The following EXPH5 variants were observed in gnomAD, a reference collection of about 807,000 sequenced individuals.
EXPH5 encodes the protein exophilin 5.
Under a neutral mutation model 41.1 loss-of-function variants are expected in EXPH5, and 42 were observed. The observed-to-expected ratio is 1.02, with a 90% CI of 0.80 to 1.32. The LOEUF is 1.32. Ranked by LOEUF, EXPH5 falls within the 40% of genes most tolerant of loss-of-function variation. The pLI is 0.00. For missense variants in EXPH5, 2,298 were observed against 2,314.5 expected, an observed-to-expected ratio of 0.99 and a Z score of 0.15; for synonymous variants, 798 against 833.5, an observed-to-expected ratio of 0.96 and a Z score of 0.73.
At chr11:108,543,240 T>C (rs1000181890) in intron 1 of EXPH5, among the ~76,000 whole-genome samples, 13 of 152,202 alleles carry the variant, frequency 8.5e-5, no homozygotes, top group African/African-American at 3.1e-4. Flanking sequence ...CCCAATTCTC[T>C]TTCAAATGAA....
Position 108,593,689 on chromosome 11 carries a change from A to G in EXPH5, c.-153T>C. On this transcript the variant is annotated 5_prime_UTR_variant, in exon 1 of 6. Transcript: ENST00000265843. ...AAGTCTAAAACCACAAACCTAGGGA[A>G]CGCCCACACCTGAAGGGCTCATATT... The G allele has an allele frequency of 6.4e-7, 1 of 1,551,162 alleles. No individual in the cohort carries two copies. Among genetic ancestry groups the G allele is most frequent in the Non-Finnish European group, 8.7e-7 (1 of 1,150,352 alleles).
intron 1 of EXPH5, among the ~76,000 whole-genome samples, chr11:108,557,481 G>A (rs1330760567): frequency 1.3e-5 from 2 of 152,180 alleles, no homozygotes; most frequent in Non-Finnish European, 2.9e-5. Flanking sequence ...GCATAGCTGG[G>A]ATTCCAGGCG....
At chr11:108,549,378 T>C (rs1190025913) in intron 1 of EXPH5, among the ~76,000 whole-genome samples, 1 of 152,226 alleles carries the variant, frequency 6.6e-6, no homozygotes, top group Admixed American at 6.5e-5. Flanking sequence ...ACTCCTCTTA[T>C]GTTCCGATTC....
At chr11:108,522,854 T>C (rs1014689901) in intron 4 of EXPH5, among the ~76,000 whole-genome samples, 1 of 152,082 alleles carries the variant, frequency 6.6e-6, no homozygotes, top group Non-Finnish European at 1.5e-5. Context: ...AACACCTTTT[T>C]TGCAGCACAA....
intron 1 of EXPH5, among the ~76,000 whole-genome samples, chr11:108,547,686 T>C (rs1487267862): frequency 6.6e-6 from 1 of 152,186 alleles, no homozygotes; most frequent in Non-Finnish European, 1.5e-5. Flanking sequence ...GTAATTATTT[T>C]TAAGAATCTT....
Position 108,528,130 on chromosome 11 carries a change from A to T in EXPH5, c.492+6T>A. 6.3e-7 allele frequency: 1 copy of T among 1,596,536 alleles called. No individual in the cohort carries two copies. Among genetic ancestry groups the T allele is most frequent in the Non-Finnish European group, 8.6e-7 (1 of 1,164,340 alleles). On this transcript the variant is annotated splice_donor_region_variant and intron_variant, in intron 4 of 5. Coordinates refer to ENST00000265843, the MANE Select transcript of EXPH5 (RefSeq NM_015065.3). ...TAGAGTAACCTGTAGTTATCTGGTTACTTACCACAGCAGCTCCCCTCACAG... is the reference window on the plus strand; with the variant it reads ...TAGAGTAACCTGTAGTTATCTGGTTTCTTACCACAGCAGCTCCCCTCACAG...
chr11:108,515,708 T>C (rs1467250433), intron 5 of EXPH5, among the ~76,000 whole-genome samples: 1 of 152,178 alleles, frequency 6.6e-6, no homozygotes, highest in Non-Finnish European at 1.5e-5. Flanking sequence ...GCACTGGGAT[T>C]TGAACCCAGA....
intron 4 of EXPH5, among the ~76,000 whole-genome samples, chr11:108,523,706 T>C (rs563967899): frequency 6.6e-6 from 1 of 152,136 alleles, no homozygotes; most frequent in Non-Finnish European, 1.5e-5. Context: ...GCCCTGTCTC[T>C]ACCAAAAATA....
chr11:108,538,454 C>G (rs1377105570), intron 3 of EXPH5, among the ~76,000 whole-genome samples: 1 of 152,222 alleles, frequency 6.6e-6, no homozygotes. Flanking sequence ...TCCACTGCTC[C>G]TAAAGCTTCT....
At position 108,509,881 on chromosome 11, in the gene EXPH5, AC is replaced by A; in HGVS notation, c.5625del (p.Arg1875SerfsTer21). ...ATAGGTCTGTATATAGATATTGCAG[AC>A]CTGGGACCTGTTTTTGTCCCGCTGC... ...AYRSGTKTGP[R>X]SAISIYRPID... On this transcript the variant is annotated frameshift_variant, in exon 6 of 6. Coordinates refer to ENST00000265843, the MANE Select transcript of EXPH5 (RefSeq NM_015065.3). LOFTEE classifies it high-confidence loss of function. The A allele has an allele frequency of 1.4e-5, 23 of 1,608,624 alleles. No homozygotes were observed. Among genetic ancestry groups the A allele is most frequent in the Non-Finnish European group, 2.0e-5 (23 of 1,178,272 alleles).
chr11:108,606,522 TACTC>T, the EXPH5 span, among the ~76,000 whole-genome samples: 1 of 152,196 alleles, frequency 6.6e-6, no homozygotes, highest in Non-Finnish European at 1.5e-5. Context: ...AATATCAACT[TACTC>T]ACCTTTTTTT....
At chr11:108,580,450 T>G (rs1002133549) in intron 1 of EXPH5, among the ~76,000 whole-genome samples, 1 of 151,948 alleles carries the variant, frequency 6.6e-6, no homozygotes, top group Non-Finnish European at 1.5e-5. Flanking sequence ...TCTTATACAC[T>G]GTTGGTGGGG....
At chr11:108,556,790 A>G (rs1406516072) in intron 1 of EXPH5, among the ~76,000 whole-genome samples, 1 of 152,078 alleles carries the variant, frequency 6.6e-6, no homozygotes, top group Admixed American at 6.6e-5. Flanking sequence ...AATTTTATTG[A>G]ACATGATTTT....
intron 1 of EXPH5, among the ~76,000 whole-genome samples, chr11:108,581,904 G>C (rs1565834596): frequency 6.6e-6 from 1 of 152,020 alleles, no homozygotes; most frequent in Non-Finnish European, 1.5e-5. Flanking sequence ...ACTTAGAATA[G>C]ATCCATTTCT....
intron 2 of EXPH5, among the ~76,000 whole-genome samples, chr11:108,540,561 T>C (rs540129779): frequency 1.3e-5 from 2 of 152,296 alleles, no homozygotes; most frequent in South Asian, 4.1e-4. Flanking sequence ...ATGATGTTAC[T>C]AATGTTAATA....
At chr11:108,596,133 T>G (rs900292720), upstream of EXPH5, among the ~76,000 whole-genome samples, 2 of 150,292 alleles carry the variant, frequency 1.3e-5, no homozygotes, top group African/African-American at 2.5e-5. Context: ...AGGCGGAGGT[T>G]GCAGTGAGCC....
chr11:108,554,678 T>C (rs1245796281), intron 1 of EXPH5, among the ~76,000 whole-genome samples: 2 of 152,110 alleles, frequency 1.3e-5, no homozygotes, highest in Non-Finnish European at 2.9e-5. Flanking sequence ...TCCCAGCACT[T>C]AGGGAGGCCA....
intron 1 of EXPH5, among the ~76,000 whole-genome samples, chr11:108,553,147 C>T (rs777061988): frequency 3.5e-4 from 53 of 151,700 alleles, no homozygotes; most frequent in Non-Finnish European, 5.7e-4. Flanking sequence ...TGCAGTGAGC[C>T]GAGATCATGC....
intron 5 of EXPH5, among the ~76,000 whole-genome samples, chr11:108,515,344 T>A (rs2093717427): frequency 6.7e-6 from 1 of 150,310 alleles, no homozygotes; most frequent in Admixed American, 6.6e-5. Context: ...GTATACCTCC[T>A]GGGATCATAA....
Sources: gnomAD v4.1 joint callset for allele counts (sites outside exome capture counted in the v4.1 genomes callset) on GRCh38, gnomAD v4.1.1 for gene constraint, MANE v1.5 for transcripts, NCBI Gene and HGNC (gene_info 2026-07-23, HGNC 2026-07-21) for gene names.